KCNMA1: variants seen among roughly 807,000 people sequenced by gnomAD.
KCNMA1 encodes Calcium-activated potassium channel subunit alpha-1.
A neutral mutation model predicts 140.0 loss-of-function variants in KCNMA1; 29 were observed. That is an observed-to-expected ratio of 0.21 (90% confidence interval 0.15 to 0.28). The LOEUF is 0.28. KCNMA1 is among the 10% of genes least tolerant of loss of function. KCNMA1 has a pLI of 1.00. For synonymous variants in KCNMA1, 612 were observed against 611.9 expected (o/e 1.00, Z 0.00); for missense variants, 880 against 1,602.2 (o/e 0.55, Z 7.70).
chr10:77,018,698 T>A (rs113555496), intron 17 of KCNMA1, among the ~76,000 whole-genome samples: 1 of 152,208 alleles, frequency 6.6e-6, no homozygotes, highest in East Asian at 1.9e-4. Flanking sequence ...AGGAGCCAGT[T>A]GTCTTGTTAT....
At chr10:77,388,364 C>T (rs1035627782) in intron 2 of KCNMA1, among the ~76,000 whole-genome samples, 1 of 152,224 alleles carries the variant, frequency 6.6e-6, no homozygotes, top group African/African-American at 2.4e-5. Context: ...TACTCTCCTG[C>T]TGATTTCATC....
intron 3 of KCNMA1, among the ~76,000 whole-genome samples, chr10:77,224,559 G>A (rs960081356): frequency 7.9e-5 from 12 of 152,096 alleles, no homozygotes; most frequent in Non-Finnish European, 1.6e-4. Context: ...TGAAAACCAG[G>A]ACACCTTGGG....
chr10:77,611,526 G>A (rs534507342), intron 1 of KCNMA1, among the ~76,000 whole-genome samples: 1 of 152,198 alleles, frequency 6.6e-6, no homozygotes, highest in Non-Finnish European at 1.5e-5. Flanking sequence ...CCATTGAAGT[G>A]AGCATTTCTG....
chr10:77,489,092 C>T (rs937099702), intron 1 of KCNMA1, among the ~76,000 whole-genome samples: 2 of 152,120 alleles, frequency 1.3e-5, no homozygotes, highest in African/African-American at 4.8e-5. Context: ...TAGATGACCC[C>T]AGGGCCTACC....
At chr10:77,487,424 C>T (rs1299968870) in intron 1 of KCNMA1, among the ~76,000 whole-genome samples, 4 of 152,124 alleles carry the variant, frequency 2.6e-5, no homozygotes, top group Non-Finnish European at 4.4e-5. Context: ...AAAGTATATA[C>T]TTTTGGTGCA....
chr10:77,135,013 A>AAAAAAAAAAAAAAAAAAAAAAAAAAG (rs2097966769), intron 5 of KCNMA1, among the ~76,000 whole-genome samples: 1 of 143,506 alleles, frequency 7.0e-6, no homozygotes, highest in Non-Finnish European at 1.5e-5. Context: ...AAAAAAAAAA[A>AAAAAAAAAAAAAAAAAAAAAAAAAAG]AAAAAAAAAA....
chr10:77,145,117 T>C (rs2098264251), intron 5 of KCNMA1, among the ~76,000 whole-genome samples: 1 of 151,986 alleles, frequency 6.6e-6, no homozygotes, highest in South Asian at 2.1e-4. Context: ...CCCACCTATC[T>C]CCATGGGGCA....
At chr10:77,293,115 C>G (rs1438655349) in intron 2 of KCNMA1, among the ~76,000 whole-genome samples, 1 of 152,146 alleles carries the variant, frequency 6.6e-6, no homozygotes, top group Non-Finnish European at 1.5e-5. Flanking sequence ...CCTCCAGAAG[C>G]CAATGTGGCC....
chr10:76,960,463 C>T (rs561235305), intron 20 of KCNMA1, among the ~76,000 whole-genome samples: 1 of 151,676 alleles, frequency 6.6e-6, no homozygotes, highest in East Asian at 1.9e-4. Flanking sequence ...TACTTGAACC[C>T]AGGAGGTTGA....
At chr10:76,967,844 C>T (rs2153121428) in intron 20 of KCNMA1, among the ~76,000 whole-genome samples, 1 of 152,214 alleles carries the variant, frequency 6.6e-6, no homozygotes, top group Non-Finnish European at 1.5e-5. Context: ...TTTGATGTAC[C>T]ATGAAACAGA....
chr10:77,486,672 A>G (rs1443790554), intron 1 of KCNMA1, among the ~76,000 whole-genome samples: 2 of 152,210 alleles, frequency 1.3e-5, no homozygotes, highest in Non-Finnish European at 2.9e-5. Flanking sequence ...TTCTGCTTCT[A>G]TCTGTCACTC....
chr10:76,994,142 A>G (rs1475039520), intron 19 of KCNMA1, among the ~76,000 whole-genome samples: 5 of 152,126 alleles, frequency 3.3e-5, no homozygotes, highest in Admixed American at 2.6e-4. Context: ...CTGTGACATG[A>G]GGCTATGAGA....
rs572201923 is a variant in KCNMA1 at position 77,183,006 on chromosome 10, C to A, written c.808+415G>T. Among the ~76,000 whole-genome samples, 7 of 152,302 alleles carry A rather than the reference C, an allele frequency of 4.6e-5. No homozygotes were observed. In the East Asian group the frequency reaches 1.4e-3, roughly 29 times the overall value. ...CTATAAATAGACCATGCAGAACCCA[C>A]TTTTTGGAAGCAGACCAAAGCTAAC... is the stretch of plus-strand genomic sequence containing the variant. On this transcript the variant is annotated intron_variant, in intron 5 of 27. Transcript: ENST00000286628.
rs532127621 is a variant in KCNMA1, at chr10:76,887,653, C to G, written c.3462-138G>C. ...AGATGCACTCCTAGCTGGTCTGAGG[C>G]CTTAAACATTCTTTTTCTTGTTAAA... On this transcript the variant is annotated intron_variant, in intron 27 of 27. Coordinates refer to ENST00000286628, the MANE Select transcript of KCNMA1 (RefSeq NM_001161352.2). The G allele has an allele frequency of 9.5e-6, 9 of 942,798 alleles. No homozygotes were observed. In the Admixed American group the frequency reaches 1.5e-4, roughly 16 times the overall value. 58.4% of individuals were successfully genotyped at this position (942,798 alleles called of 1,614,324 possible). A position where few individuals can be genotyped will look rare whatever the true frequency, so the allele number is the denominator to read the frequency against.
Position 76,885,859 on chromosome 10 carries a change from G to A in KCNMA1, c.*1407C>T. The A allele has an allele frequency of 1.0e-6, 1 of 985,004 alleles. No individual in the cohort carries two copies. The highest frequency in any genetic ancestry group is 1.2e-6 in the Non-Finnish European group (1 of 829,640). The allele number at this position is 985,004 out of a possible 1,614,324, so 61.0% of individuals were successfully genotyped here. ...TTAAAAAAGAAAGAAAACAAAAGAA[G>A]AAAAAAATAACTATACCAAAATGTG... On this transcript the variant is annotated 3_prime_UTR_variant, in exon 28 of 28. Coordinates refer to ENST00000286628, the MANE Select transcript of KCNMA1 (RefSeq NM_001161352.2).
At chr10:77,028,012 C>T in intron 15 of KCNMA1, 121 bp from the exon 16 acceptor site, 1 of 883,816 alleles carries the variant, frequency 1.1e-6, no homozygotes, top group Non-Finnish European at 1.9e-6. Context: ...CCTCATTCCA[C>T]CGGCACTGTG....
chr10:77,028,228 C>T (rs1006931988), intron 15 of KCNMA1, among the ~76,000 whole-genome samples: 2 of 152,150 alleles, frequency 1.3e-5, no homozygotes, highest in African/African-American at 4.8e-5. Flanking sequence ...ATGTTAACTA[C>T]AGGGGGAGGG....
intron 1 of KCNMA1, among the ~76,000 whole-genome samples, chr10:77,601,193 G>A (rs1004521853): frequency 3.3e-5 from 5 of 152,254 alleles, no homozygotes; most frequent in South Asian, 4.1e-4. Flanking sequence ...GCAGGGTCTC[G>A]GCAGAGAAGG....
At chr10:77,431,984 T>A (rs1299414840) in intron 1 of KCNMA1, among the ~76,000 whole-genome samples, 1 of 151,072 alleles carries the variant, frequency 6.6e-6, no homozygotes, top group Admixed American at 6.6e-5. Context: ...AGAGCAAGAC[T>A]CTATCTCTGA....
Sources: gnomAD v4.1 joint callset for allele counts (sites outside exome capture counted in the v4.1 genomes callset) on GRCh38, gnomAD v4.1.1 for gene constraint, MANE v1.5 for transcripts, NCBI Gene and HGNC (gene_info 2026-07-23, HGNC 2026-07-21) for gene names.